Variants in CDKAL1 observed in about 807,000 individuals in gnomAD.
CDKAL1 encodes the protein CDKAL1 threonylcarbamoyladenosine tRNA methylthiotransferase, also known as threonylcarbamoyladenosine tRNA methylthiotransferase.
A neutral mutation model predicts 68.2 loss-of-function variants in CDKAL1; 32 were observed. The observed-to-expected ratio is 0.47, with a 90% confidence interval of 0.35 to 0.63. The LOEUF (loss-of-function observed/expected upper bound fraction) is 0.63. Ranked by LOEUF, CDKAL1 falls within the 30% of genes least tolerant of loss-of-function variation. The pLI, the probability that CDKAL1 is intolerant of heterozygous loss-of-function variation, is 0.00. For synonymous variants in CDKAL1, 234 were observed against 244.3 expected, an observed-to-expected ratio of 0.96 and a Z score of 0.39; for missense variants, 606 against 696.7, an observed-to-expected ratio of 0.87 and a Z score of 1.47.
chr6:20,929,441 AAAGT>A (rs796339195), intron 9 of CDKAL1, among the ~76,000 whole-genome samples: 11 of 152,312 alleles, frequency 7.2e-5, no homozygotes, highest in African/African-American at 2.6e-4. Flanking sequence ...AGTGGTAGAA[AAAGT>A]AAGGTAGAAA....
chr6:20,858,539 ATAGTAATATATAAATTTGTGTAGTTT>A (rs1759453689), intron 9 of CDKAL1, among the ~76,000 whole-genome samples: 2 of 152,204 alleles, frequency 1.3e-5, no homozygotes, highest in South Asian at 4.1e-4. Context: ...TTATAGATAT[ATAGTAATATATAAATTTGTGTAGTTT>A]TGGAAGATAA....
At chr6:21,093,721 T>TGA (rs1773172321) in intron 12 of CDKAL1, among the ~76,000 whole-genome samples, 1 of 72,376 alleles carries the variant, frequency 1.4e-5, no homozygotes, top group Non-Finnish European at 2.8e-5. Context: ...TTTTTTTTTT[T>TGA]TTTTTTTTTT....
chr6:20,851,723 A>G (rs1206325219), intron 9 of CDKAL1, among the ~76,000 whole-genome samples: 1 of 151,902 alleles, frequency 6.6e-6, no homozygotes, highest in Non-Finnish European at 1.5e-5. Context: ...TGGAATTTTA[A>G]AAAATGGATT....
intron 7 of CDKAL1, among the ~76,000 whole-genome samples, chr6:20,780,772 C>G (rs1316747322): frequency 6.6e-6 from 1 of 150,544 alleles, no homozygotes. Flanking sequence ...CTCCCGGGCT[C>G]GAGCTATTCT....
rs140214625 is a variant in CDKAL1 at position 20,792,510 on chromosome 6, C to G, written c.638+11245C>G. Among the ~76,000 whole-genome samples the G allele has an allele frequency of 2.2e-3, 338 of 152,262 alleles. 1 individual carries two copies. The highest frequency in any genetic ancestry group is 7.7e-3 in the African/African-American group (319 of 41,542). On this transcript the variant is annotated intron_variant, in intron 8 of 15. Coordinates refer to ENST00000274695, the MANE Select transcript of CDKAL1 (RefSeq NM_017774.3). The stretch of plus-strand genomic sequence containing the variant: ...TTTTATGTACTGTTCTGTTACTGCT[C>G]TTGCGGAAAACATAAACTTTCTGAA...
chr6:20,923,063 G>A (rs1381087392), intron 9 of CDKAL1, among the ~76,000 whole-genome samples: 1 of 152,104 alleles, frequency 6.6e-6, no homozygotes, highest in African/African-American at 2.4e-5. Flanking sequence ...AAAAGCATCT[G>A]CATATAAAGT....
intron 2 of CDKAL1, among the ~76,000 whole-genome samples, chr6:20,537,331 G>C (rs1294336850): frequency 6.6e-6 from 1 of 152,156 alleles, no homozygotes; most frequent in Non-Finnish European, 1.5e-5. Flanking sequence ...TTCCCGCTGG[G>C]TGCAGTGGCT....
chr6:20,550,953 G>A (rs542234683), intron 4 of CDKAL1, among the ~76,000 whole-genome samples: 85 of 137,876 alleles, frequency 6.2e-4, no homozygotes, highest in African/African-American at 2.1e-3. Flanking sequence ...AGCAAGCTCC[G>A]CCTCACGGTT....
At chr6:20,618,563 A>C (rs1361883183) in intron 4 of CDKAL1, among the ~76,000 whole-genome samples, 1 of 152,192 alleles carries the variant, frequency 6.6e-6, no homozygotes, top group African/African-American at 2.4e-5. Flanking sequence ...GAAATTGGTA[A>C]CATTTTGATC....
intron 4 of CDKAL1, among the ~76,000 whole-genome samples, chr6:20,600,771 C>CAT (rs10522824): frequency 0.062 from 7,718 of 124,066 alleles, 683 homozygotes; most frequent in East Asian, 0.19. Flanking sequence ...TATATGTATA[C>CAT]ATATATATAT....
intron 10 of CDKAL1, among the ~76,000 whole-genome samples, chr6:20,957,258 A>G (rs1764825141): frequency 6.6e-6 from 1 of 152,206 alleles, no homozygotes; most frequent in Non-Finnish European, 1.5e-5. Context: ...AGGAAGAAGC[A>G]CAAGGAAGAA....
intron 3 of CDKAL1, among the ~76,000 whole-genome samples, chr6:20,547,758 G>A (rs12194705): frequency 0.053 from 8,071 of 152,108 alleles, 231 homozygotes; most frequent in Middle Eastern, 0.078. Context: ...CAAGTTGAAA[G>A]TCCTTTTTTC....
At chr6:20,864,765 A>G (rs934437859) in intron 9 of CDKAL1, among the ~76,000 whole-genome samples, 6 of 152,158 alleles carry the variant, frequency 3.9e-5, no homozygotes, top group Non-Finnish European at 5.9e-5. Flanking sequence ...CAACCACTCT[A>G]TTGCTAAGTA....
At chr6:20,647,012 C>T (rs62397614) in intron 4 of CDKAL1, among the ~76,000 whole-genome samples, 7 of 152,042 alleles carry the variant, frequency 4.6e-5, no homozygotes, top group East Asian at 1.9e-4. Context: ...CCCAAAGTGC[C>T]GGGATTACAG....
At chr6:21,110,478 C>G (rs11963150) in intron 13 of CDKAL1, among the ~76,000 whole-genome samples, 9,381 of 152,174 alleles carry the variant, frequency 0.062, 342 homozygotes, top group South Asian at 0.1. Flanking sequence ...TTTGAATTAC[C>G]CACTTATATT....
intron 6 of CDKAL1, among the ~76,000 whole-genome samples, chr6:20,754,776 A>G (rs1279339114): frequency 6.6e-6 from 1 of 152,178 alleles, no homozygotes; most frequent in Non-Finnish European, 1.5e-5. Flanking sequence ...TGTCCTTTGA[A>G]GTACCAAATG....
intron 11 of CDKAL1, among the ~76,000 whole-genome samples, chr6:21,046,882 A>T (rs1205169812): frequency 6.6e-6 from 1 of 152,224 alleles, no homozygotes; most frequent in Non-Finnish European, 1.5e-5. Flanking sequence ...AAGCAACTGT[A>T]ACCTAGAATT....
chr6:20,880,935 G>T (rs1015985236), intron 9 of CDKAL1, among the ~76,000 whole-genome samples: 3 of 152,178 alleles, frequency 2.0e-5, no homozygotes, highest in African/African-American at 7.2e-5. Context: ...GGGACCATCG[G>T]CTCTGAAGAT....
At chr6:20,795,451 C>T (rs1776070769) in intron 8 of CDKAL1, among the ~76,000 whole-genome samples, 1 of 152,046 alleles carries the variant, frequency 6.6e-6, no homozygotes, top group South Asian at 2.1e-4. Flanking sequence ...TGCATACTAT[C>T]CTTGAGAGAA....
Sources: gnomAD v4.1 joint callset for allele counts (sites outside exome capture counted in the v4.1 genomes callset) on GRCh38, gnomAD v4.1.1 for gene constraint, MANE v1.5 for transcripts, NCBI Gene and HGNC (gene_info 2026-07-23, HGNC 2026-07-21) for gene names.